RUNX3: variants seen among roughly 807,000 people sequenced by gnomAD.
The protein encoded by RUNX3 is RUNX family transcription factor 3.
In RUNX3, 10 loss-of-function variants were observed where a neutral mutation model predicts 27.7. That is an observed-to-expected ratio of 0.36 (90% CI 0.22 to 0.61). The LOEUF (loss-of-function observed/expected upper bound fraction) is 0.61, where lower values mean the gene tolerates loss of function less well. Among genes scored for constraint, RUNX3 ranks in the 20% least tolerant of loss-of-function variants. The pLI is 0.72. For synonymous variants in RUNX3, 270 were observed against 269.2 expected (o/e 1.00, Z -0.03); for missense variants, 469 against 629.5 (o/e 0.75, Z 2.73).
rs60076928 is a variant in RUNX3 at position 24,920,214 on chromosome 1, C to CTT, written c.440-872_440-871dup. 4.3e-3 allele frequency among the ~76,000 whole-genome samples: 628 copies of CTT among 144,942 alleles called. 6 individuals carry two copies. Among genetic ancestry groups the CTT allele is most frequent in the African/African-American group, 0.015 (586 of 39,974 alleles). The stretch of plus-strand genomic sequence containing the variant: ...AGGGGAAAAAACTTTTAAAATACTA[C>CTT]TTTTTTTTTTTTTTACCATTTAAAA... On this transcript the variant is annotated intron_variant, in intron 2 of 4. Coordinates refer to ENST00000308873, the MANE Select transcript of RUNX3 (RefSeq NM_004350.3).
Position 24,927,267 on chromosome 1 carries a change from C to T in RUNX3, c.439+307G>A, listed in dbSNP as rs1276593749. On this transcript the variant is annotated intron_variant, in intron 2 of 4. Transcript: ENST00000308873. The surrounding 1 kb of genome is among the most constrained non-coding windows in gnomAD (Gnocchi z 5.0). The stretch of plus-strand genomic sequence containing the variant: ...CTTTTTGAGCTTGTTAATCCACCAT[C>T]TCCTGCCAGCATTTTTTGTGAGACC... 6.6e-6 allele frequency among the ~76,000 whole-genome samples: 1 copy of T among 152,182 alleles called. No individual in the cohort carries two copies. Among genetic ancestry groups the T allele is most frequent in the East Asian group, 1.9e-4 (1 of 5,198 alleles).
intron 2 of RUNX3, among the ~76,000 whole-genome samples, chr1:24,949,293 C>T (rs1641697240): frequency 6.6e-6 from 1 of 152,114 alleles, no homozygotes; most frequent in South Asian, 2.1e-4. Context: ...GAAGCAGAGC[C>T]AAGATTTGAA....
intron 3 of RUNX3, among the ~76,000 whole-genome samples, chr1:24,914,104 G>A (rs1246215456): frequency 6.6e-6 from 1 of 152,262 alleles, no homozygotes; most frequent in Non-Finnish European, 1.5e-5. Flanking sequence ...CAGCTGCTAA[G>A]GTCATCGCTT....
chr1:24,904,926 C>A lies in RUNX3; in HGVS notation c.704-2260G>T, dbSNP rs1298954556. On this transcript the variant is annotated intron_variant, in intron 4 of 4. Transcript: ENST00000308873. This position sits in a 1 kb window ranked among gnomAD's most constrained non-coding sequence, Gnocchi z 5.7. ...CCCGGGGCACTGTCGAGTGGCCAAT[C>A]CCAACAGTGGAAAGAAATGTTTATT... 1.3e-5 allele frequency among the ~76,000 whole-genome samples: 2 copies of A among 152,212 alleles called. No homozygotes were observed. The highest frequency in any genetic ancestry group is 2.9e-5 in the Non-Finnish European group (2 of 68,034).
At chr1:24,905,398 C>T (rs969490715) in intron 4 of RUNX3, among the ~76,000 whole-genome samples, 7 of 152,242 alleles carry the variant, frequency 4.6e-5, no homozygotes, top group Non-Finnish European at 8.8e-5. Context: ...CTGTCCTGGT[C>T]ATCCGAGGCC....
At chr1:24,944,499 T>C (rs561064465) in intron 2 of RUNX3, among the ~76,000 whole-genome samples, 53 of 152,326 alleles carry the variant, frequency 3.5e-4, no homozygotes, top group African/African-American at 8.4e-4. Flanking sequence ...TGTGGCTATG[T>C]TACCTTATAT....
intron 2 of RUNX3, among the ~76,000 whole-genome samples, chr1:24,925,447 T>C (rs6662768): frequency 0.047 from 7,225 of 152,120 alleles, 501 homozygotes; most frequent in African/African-American, 0.15. Flanking sequence ...GCTCTCAATA[T>C]GCGCCAGCTG....
rs1197389598 is a variant in RUNX3, at chr1:24,902,878, G to A, written c.704-212C>T. Among the ~76,000 whole-genome samples the A allele has an allele frequency of 1.3e-5, 2 of 151,062 alleles. No homozygotes were observed. Among genetic ancestry groups the A allele is most frequent in the African/African-American group, 4.9e-5 (2 of 41,200 alleles). On this transcript the variant is annotated intron_variant, in intron 4 of 4. Transcript: ENST00000308873. The surrounding 1 kb of genome is among the most constrained non-coding windows in gnomAD (Gnocchi z 9.2). ...CGGGAAGCTGGTTGGAGCGTGCCCC[G>A]GGCCAAGAGGGGCCATGGGAGCCCC...
intron 2 of RUNX3, among the ~76,000 whole-genome samples, chr1:24,950,058 G>C (rs1353712862): frequency 6.6e-6 from 1 of 152,248 alleles, no homozygotes; most frequent in African/African-American, 2.4e-5. Context: ...TGCCTGCACT[G>C]TATTTCTGGG....
At chr1:24,915,221 C>T (rs1037699242) in intron 3 of RUNX3, among the ~76,000 whole-genome samples, 16 of 152,118 alleles carry the variant, frequency 1.1e-4, no homozygotes, top group Non-Finnish European at 1.6e-4. Context: ...GTCGGGAGTT[C>T]AAGACTAGCC....
At chr1:24,920,214 CTT>C (rs60076928) in intron 2 of RUNX3, among the ~76,000 whole-genome samples, 9 of 144,852 alleles carry the variant, frequency 6.2e-5, no homozygotes, top group African/African-American at 5.0e-5. Context: ...TAAAATACTA[CTT>C]TTTTTTTTTT....
chr1:24,913,750 G>A (rs1375661392), intron 3 of RUNX3, among the ~76,000 whole-genome samples: 1 of 152,220 alleles, frequency 6.6e-6, no homozygotes, highest in African/African-American at 2.4e-5. Context: ...ACTGTCCCCA[G>A]GGAATCCTTC....
chr1:24,916,558 G>A lies in RUNX3; in HGVS notation c.544+2682C>T, dbSNP rs780236890. Among the ~76,000 whole-genome samples, 6 of 152,198 alleles carry A rather than the reference G, an allele frequency of 3.9e-5. No individual in the cohort carries two copies. The highest frequency in any genetic ancestry group is 7.3e-5 in the Non-Finnish European group (5 of 68,034). On this transcript the variant is annotated intron_variant, in intron 3 of 4. Transcript: ENST00000308873. The surrounding 1 kb of genome is among the most constrained non-coding windows in gnomAD (Gnocchi z 4.8). ...TTGCTCAGTGACCAGGAGCCGCTGA[G>A]CTGGTCCCTTCACTCTTACAGATGG... is the stretch of plus-strand genomic sequence containing the variant.
rs113237365 is a variant in RUNX3, at chr1:24,940,600, T to G, written c.59-10748A>C. Among the ~76,000 whole-genome samples the G allele has an allele frequency of 8.9e-4, 136 of 152,204 alleles. 1 individual carries two copies. The highest frequency in any genetic ancestry group is 3.2e-3 in the African/African-American group (134 of 41,520). ...GACAGACAAGCAAGAGAATAGTTAA[T>G]ACAAAAATCATAGCTAGGCGTGGTA... On this transcript the variant is annotated intron_variant, in intron 2 of 6. Coordinates refer to the RUNX3 transcript ENST00000338888.
intron 3 of RUNX3, among the ~76,000 whole-genome samples, chr1:24,907,996 T>TCCAAAC (rs1278712016): frequency 6.6e-6 from 1 of 151,976 alleles, no homozygotes; most frequent in African/African-American, 2.4e-5. Context: ...CACGCGGTGA[T>TCCAAAC]CTAAACCTCT....
chr1:24,941,041 C>G (rs546451112), intron 2 of RUNX3, among the ~76,000 whole-genome samples: 20 of 152,322 alleles, frequency 1.3e-4, no homozygotes, highest in Admixed American at 1.2e-3. Context: ...ACAATATGCT[C>G]AAATGTGCAT....
intron 2 of RUNX3, chr1:24,964,489 A>C: frequency 6.3e-7 from 1 of 1,590,086 alleles, no homozygotes; most frequent in Non-Finnish European, 8.6e-7. Context: ...CTCCCCACCC[A>C]GGGCCCTGGG....
rs74060472 is a variant in RUNX3, at chr1:24,910,570, C to T, written c.545-3153G>A. ...TGATTTCTGATTTTCAGAATGGGAA[C>T]GCAATGGATTCTGGTACTTGTAGGC... On this transcript the variant is annotated intron_variant, in intron 3 of 4. Transcript: ENST00000308873. Among the ~76,000 whole-genome samples the T allele has an allele frequency of 7.0e-3, 1,069 of 152,278 alleles. 6 individuals carry two copies. The highest frequency in any genetic ancestry group is 0.024 in the African/African-American group (1,011 of 41,552).
chr1:24,932,332 A>C (rs1046387761), upstream of RUNX3, among the ~76,000 whole-genome samples: 2 of 4,836 alleles, frequency 4.1e-4, no homozygotes, highest in East Asian at 9.4e-3. Context: ...CGGCGGGGGG[A>C]GGGGGGGCGG....
Sources: gnomAD v4.1 joint callset for allele counts (sites outside exome capture counted in the v4.1 genomes callset) on GRCh38, gnomAD v4.1.1 for gene constraint, Gnocchi (gnomAD v3.1) non-coding constraint, MANE v1.5 for transcripts, NCBI Gene and HGNC (gene_info 2026-07-23, HGNC 2026-07-21) for gene names.